Variants in POU2F1 observed in about 807,000 individuals in gnomAD.
POU2F1 encodes the protein POU domain, class 2, transcription factor 1.
In POU2F1, 16 loss-of-function variants were observed where a neutral mutation model predicts 84.9. That is an observed-to-expected ratio of 0.19 (90% CI 0.13 to 0.29). The LOEUF is 0.29. Ranked by LOEUF, POU2F1 falls within the 10% of genes least tolerant of loss-of-function variation. The pLI, the probability that POU2F1 is intolerant of heterozygous loss-of-function variation, is 1.00. For synonymous variants in POU2F1, 368 were observed against 368.3 expected (o/e 1.00, Z 0.01); for missense variants, 738 against 942.6 (o/e 0.78, Z 2.84).
chr1:167,290,847 G>A (rs1049558887), intron 1 of POU2F1, among the ~76,000 whole-genome samples: 10 of 152,086 alleles, frequency 6.6e-5, no homozygotes, highest in Non-Finnish European at 1.3e-4. Context: ...TCAAAACTAG[G>A]CTAGTGAACG....
chr1:167,221,915 G>T (rs527464642), intron 1 of POU2F1, among the ~76,000 whole-genome samples: 2 of 152,154 alleles, frequency 1.3e-5, no homozygotes, highest in African/African-American at 4.8e-5. Context: ...CCCGGCCGGC[G>T]GTCGGCAGCC....
Position 167,297,792 on chromosome 1 carries a change from G to A in POU2F1, c.62-34678G>A, listed in dbSNP as rs72693622. 8.6e-3 allele frequency among the ~76,000 whole-genome samples: 1,311 copies of A among 152,228 alleles called. 15 individuals carry two copies. Among genetic ancestry groups the A allele is most frequent in the Middle Eastern group, 0.017 (5 of 294 alleles). Reference sequence around the variant, plus strand: ...ATCAGCTCTATCCCACTAGTGGCAGGAAGAAAATACTTTGGCAATCACTAG... The same window carrying A: ...ATCAGCTCTATCCCACTAGTGGCAGAAAGAAAATACTTTGGCAATCACTAG... On this transcript the variant is annotated intron_variant, in intron 1 of 15. Coordinates refer to ENST00000367866, the MANE Select transcript of POU2F1 (RefSeq NM_002697.4).
At chr1:167,229,190 T>C (rs1414274571) in intron 1 of POU2F1, among the ~76,000 whole-genome samples, 3 of 151,916 alleles carry the variant, frequency 2.0e-5, no homozygotes, top group South Asian at 2.1e-4. Context: ...TTTTTTGTTA[T>C]GGACAGTGCC....
chr1:167,379,499 G>A (rs1647354048), intron 7 of POU2F1: 1 of 152,182 alleles, frequency 6.6e-6, no homozygotes, highest in African/African-American at 2.4e-5. Context: ...GGTTGATAGG[G>A]TCAGAGAAAA....
At chr1:167,237,911 C>G (rs1022212246) in intron 1 of POU2F1, among the ~76,000 whole-genome samples, 2 of 150,016 alleles carry the variant, frequency 1.3e-5, no homozygotes, top group Non-Finnish European at 3.0e-5. Context: ...TCCCGAGTAG[C>G]TGGGATTACA....
chr1:167,272,231 T>C (rs139575528), intron 1 of POU2F1, among the ~76,000 whole-genome samples: 6 of 152,108 alleles, frequency 3.9e-5, no homozygotes, highest in African/African-American at 1.4e-4. Context: ...TATATTTGCT[T>C]ATCAGGAATA....
At chr1:167,326,436 G>A (rs147832364) in intron 1 of POU2F1, among the ~76,000 whole-genome samples, 253 of 152,330 alleles carry the variant, frequency 1.7e-3, no homozygotes, top group Middle Eastern at 0.01. Flanking sequence ...AATGTGCCAT[G>A]GTTGGGGAGT....
At chr1:167,225,160 A>G (rs892520526) in intron 1 of POU2F1, among the ~76,000 whole-genome samples, 1 of 152,152 alleles carries the variant, frequency 6.6e-6, no homozygotes, top group Non-Finnish European at 1.5e-5. Context: ...CCACCTATTA[A>G]TTACAATGAT....
chr1:167,312,539 AT>A (rs961434804), intron 1 of POU2F1, among the ~76,000 whole-genome samples: 10 of 149,924 alleles, frequency 6.7e-5, no homozygotes, highest in African/African-American at 1.7e-4. Flanking sequence ...TAAAAGTCAA[AT>A]TTTTTTTTTA....
chr1:167,249,479 A>G (rs1650569310), intron 1 of POU2F1, among the ~76,000 whole-genome samples: 1 of 152,154 alleles, frequency 6.6e-6, no homozygotes, highest in African/African-American at 2.4e-5. Context: ...TGGAGATGGC[A>G]GCCCTCCAGG....
At position 167,371,977 on chromosome 1, in the gene POU2F1, T is replaced by C. The variant is rs768500149; in HGVS notation, c.343T>C (p.Ser115Pro). 11 of 1,614,036 alleles carry C rather than the reference T, an allele frequency of 6.8e-6. No homozygotes were observed. Among genetic ancestry groups the C allele is most frequent in the Non-Finnish European group, 9.3e-6 (11 of 1,180,002 alleles). Reference protein sequence around the residue: ...QQPSQPSQQPSVQAAIPQTQL... With the variant: ...QQPSQPSQQPPVQAAIPQTQL... ...GCCAAGCCAGCCTTCCCAGCAGCCTTCAGTGCAGGCAGCCATTCCCCAGAC... is the reference window on the plus strand; with the variant it reads ...GCCAAGCCAGCCTTCCCAGCAGCCTCCAGTGCAGGCAGCCATTCCCCAGAC... The change falls in exon 5 of 16, where the codon TCA (serine) becomes CCA (proline). Residue 115 changes from serine to proline, a missense_variant. By Grantham distance (74) the Ser-to-Pro change is moderately conservative (BLOSUM62 -1). Coordinates refer to ENST00000367866, the MANE Select transcript of POU2F1 (RefSeq NM_002697.4).
chr1:167,351,519 C>CA (rs34170498), intron 2 of POU2F1, among the ~76,000 whole-genome samples: 1,456 of 45,518 alleles, frequency 0.032, 20 homozygotes, highest in African/African-American at 0.038. Context: ...AGCACCATCT[C>CA]AAAAAAAAAA....
intron 1 of POU2F1, among the ~76,000 whole-genome samples, chr1:167,318,841 C>A (rs1158874956): frequency 1.2e-4 from 18 of 152,100 alleles, no homozygotes. Context: ...CTGGGGGGGT[C>A]CAGCCAAGTT....
At chr1:167,309,378 T>G (rs1655301991) in intron 1 of POU2F1, among the ~76,000 whole-genome samples, 1 of 152,208 alleles carries the variant, frequency 6.6e-6, no homozygotes, top group South Asian at 2.1e-4. Flanking sequence ...TCTAGTTTTT[T>G]TCTCTGTTTA....
chr1:167,401,651 T>G, intron 13 of POU2F1, 95 bp downstream of exon 13: 1 of 648,768 alleles, frequency 1.5e-6, no homozygotes, highest in Non-Finnish European at 2.4e-6. Flanking sequence ...ATTAAGGCCC[T>G]AACTAAAGAT....
chr1:167,273,715 C>G (rs906615358), intron 1 of POU2F1, among the ~76,000 whole-genome samples: 2 of 152,216 alleles, frequency 1.3e-5, no homozygotes, highest in Non-Finnish European at 1.5e-5. Context: ...GGGAAAGTAA[C>G]TGGGAGCTCT....
chr1:167,368,080 A>G (rs1039492704), intron 3 of POU2F1, among the ~76,000 whole-genome samples: 2 of 152,132 alleles, frequency 1.3e-5, no homozygotes, highest in African/African-American at 2.4e-5. Context: ...TCATTTTCCA[A>G]TATTGGCCCA....
At chr1:167,244,592 G>A (rs1300494932) in intron 1 of POU2F1, among the ~76,000 whole-genome samples, 1 of 152,174 alleles carries the variant, frequency 6.6e-6, no homozygotes, top group East Asian at 1.9e-4. Context: ...TTTATTAGAA[G>A]CAAGTCACTT....
chr1:167,308,989 C>G (rs1050815010), intron 1 of POU2F1, among the ~76,000 whole-genome samples: 1 of 151,952 alleles, frequency 6.6e-6, no homozygotes, highest in Non-Finnish European at 1.5e-5. Context: ...ATAATTCATT[C>G]ATTTTTTTTT....
Sources: gnomAD v4.1 joint callset for allele counts (sites outside exome capture counted in the v4.1 genomes callset) on GRCh38, gnomAD v4.1.1 for gene constraint, MANE v1.5 for transcripts, NCBI Gene and HGNC (gene_info 2026-07-23, HGNC 2026-07-21) for gene names.